The following STPG2 variants were observed in gnomAD, a reference collection of about 807,000 sequenced individuals.
STPG2 encodes the protein sperm tail PG-rich repeat containing 2.
STPG2 carries 56 observed loss-of-function variants against 54.2 expected under a neutral mutation model. That is an observed-to-expected ratio of 1.03 (90% confidence interval 0.83 to 1.29). The LOEUF (loss-of-function observed/expected upper bound fraction) is 1.29, where lower values mean the gene tolerates loss of function less well. Ranked by LOEUF, STPG2 falls within the 50% of genes most tolerant of loss-of-function variation. The pLI is 0.00. For missense variants in STPG2, 596 were observed against 544.9 expected (o/e 1.09, Z -0.93); for synonymous variants, 200 against 181.8 (o/e 1.10, Z -0.81).
At chr4:97,939,636 T>G (rs1356011835) in intron 8 of STPG2, among the ~76,000 whole-genome samples, 2 of 152,208 alleles carry the variant, frequency 1.3e-5, no homozygotes, top group Middle Eastern at 3.2e-3. Context: ...GCTTTTTTTC[T>G]GTTTTCCATT....
chr4:97,958,595 C>G (rs765490683), intron 7 of STPG2, among the ~76,000 whole-genome samples: 5 of 152,142 alleles, frequency 3.3e-5, no homozygotes, highest in African/African-American at 4.8e-5. Flanking sequence ...AGTAGCTCTT[C>G]TTATATCAGA....
intron 8 of STPG2, among the ~76,000 whole-genome samples, chr4:97,868,806 T>C (rs1437004505): frequency 1.3e-5 from 2 of 151,876 alleles, no homozygotes; most frequent in Non-Finnish European, 2.9e-5. Context: ...AAACCATGTG[T>C]TTACCAAACC....
At chr4:97,484,647 T>G (rs937310508) in intron 4 of STPG2, among the ~76,000 whole-genome samples, 2 of 151,784 alleles carry the variant, frequency 1.3e-5, no homozygotes, top group Admixed American at 1.3e-4. Context: ...GAAGAATTGG[T>G]ACCAATCCTT....
intron 10 of STPG2, among the ~76,000 whole-genome samples, chr4:97,664,221 A>G (rs993555528): frequency 3.3e-5 from 5 of 152,208 alleles, no homozygotes; most frequent in Non-Finnish European, 7.3e-5. Context: ...CTTGCATTTC[A>G]CAAATAAGAA....
intron 9 of STPG2, among the ~76,000 whole-genome samples, chr4:97,736,649 G>A (rs984644991): frequency 3.3e-5 from 5 of 152,188 alleles, no homozygotes; most frequent in Non-Finnish European, 5.9e-5. Flanking sequence ...TGGCAGCCAG[G>A]CTAGGGGAGG....
chr4:97,838,054 TG>T, intron 9 of STPG2, among the ~76,000 whole-genome samples: 1 of 151,700 alleles, frequency 6.6e-6, no homozygotes, highest in African/African-American at 2.4e-5. Context: ...ATGCATATCA[TG>T]TTCTCCAAAT....
chr4:97,839,990 C>G (rs1728747450), intron 9 of STPG2, among the ~76,000 whole-genome samples: 1 of 151,378 alleles, frequency 6.6e-6, no homozygotes, highest in African/African-American at 2.4e-5. Flanking sequence ...ATCTAGTTTT[C>G]CTGTGTAAAA....
chr4:97,950,157 T>A (rs1733412653), intron 7 of STPG2, among the ~76,000 whole-genome samples: 1 of 152,084 alleles, frequency 6.6e-6, no homozygotes, highest in Non-Finnish European at 1.5e-5. Flanking sequence ...AATTTCTTTA[T>A]GTTAATTTTC....
At chr4:97,924,507 A>C in intron 8 of STPG2, among the ~76,000 whole-genome samples, 1 of 152,230 alleles carries the variant, frequency 6.6e-6, no homozygotes, top group East Asian at 1.9e-4. Flanking sequence ...AACTATGTTA[A>C]GCATATCAGT....
chr4:97,802,931 C>T (rs1578578804), intron 9 of STPG2, among the ~76,000 whole-genome samples: 1 of 152,246 alleles, frequency 6.6e-6, no homozygotes, highest in East Asian at 1.9e-4. Flanking sequence ...ATTTGCAAAG[C>T]CACCTCTATT....
chr4:97,695,953 T>A, intron 10 of STPG2, among the ~76,000 whole-genome samples: 1 of 152,094 alleles, frequency 6.6e-6, no homozygotes, highest in East Asian at 1.9e-4. Context: ...TTCAATGCAG[T>A]TCCCATCAAA....
At chr4:97,553,178 G>A (rs1207282514) in intron 4 of STPG2, among the ~76,000 whole-genome samples, 1 of 152,162 alleles carries the variant, frequency 6.6e-6, no homozygotes, top group African/African-American at 2.4e-5. Context: ...AAGGATCTGG[G>A]AGATAAGTGG....
At chr4:97,837,362 A>G (rs1728664949) in intron 9 of STPG2, among the ~76,000 whole-genome samples, 1 of 151,684 alleles carries the variant, frequency 6.6e-6, no homozygotes, top group Non-Finnish European at 1.5e-5. Context: ...CACACTCTCA[A>G]CAATGTTTAT....
At chr4:97,858,401 T>C (rs957740324) in intron 8 of STPG2, among the ~76,000 whole-genome samples, 3 of 152,046 alleles carry the variant, frequency 2.0e-5, no homozygotes, top group Non-Finnish European at 4.4e-5. Context: ...TGACATATTA[T>C]TATTTTATTT....
chr4:97,635,639 G>C (rs192386703), intron 10 of STPG2, among the ~76,000 whole-genome samples: 297 of 152,298 alleles, frequency 2.0e-3, no homozygotes, highest in African/African-American at 6.7e-3. Flanking sequence ...TAAAGGGATG[G>C]AGGAAGATCT....
intron 8 of STPG2, among the ~76,000 whole-genome samples, chr4:97,873,260 T>C (rs1224396372): frequency 6.6e-6 from 1 of 150,918 alleles, no homozygotes; most frequent in Non-Finnish European, 1.5e-5. Context: ...TTATAACTCC[T>C]TTCTCTAATA....
At chr4:98,017,922 C>T (rs1736020584) in intron 5 of STPG2, among the ~76,000 whole-genome samples, 1 of 152,178 alleles carries the variant, frequency 6.6e-6, no homozygotes, top group African/African-American at 2.4e-5. Context: ...ATACTTGCTT[C>T]TCTTCCACCT....
At chr4:98,039,156 A>G (rs1736865244) in intron 5 of STPG2, among the ~76,000 whole-genome samples, 1 of 151,966 alleles carries the variant, frequency 6.6e-6, no homozygotes, top group South Asian at 2.1e-4. Flanking sequence ...AGACACAGGC[A>G]AAGACGGTTA....
rs1738668112 is a variant in STPG2, at chr4:98,090,972, CAAAT to C, written c.612+14977_612+14980del. 5.3e-5 allele frequency among the ~76,000 whole-genome samples: 3 copies of C among 56,240 alleles called. No individual in the cohort carries two copies. In the South Asian group the frequency reaches 1.9e-3, roughly 35 times the overall value. The allele number at this position is 56,240 out of a possible 152,430, so 36.9% of individuals were successfully genotyped here. On this transcript the variant is annotated intron_variant, in intron 5 of 10. Transcript: ENST00000295268. ...TACTACACACAGCTACACACACACA[CAAAT>C]ACATACACACACACACAAAATGTCA...
Sources: allele counts gnomAD v4.1 joint callset (sites outside exome capture counted in the v4.1 genomes callset), GRCh38; gene constraint gnomAD v4.1.1; transcripts MANE v1.5; gene names NCBI Gene and HGNC (gene_info 2026-07-23, HGNC 2026-07-21).